TRIO: variants seen among roughly 807,000 people sequenced by gnomAD.
TRIO encodes triple functional domain protein.
Under a neutral mutation model 351.9 loss-of-function variants are expected in TRIO, and 58 were observed. The observed-to-expected ratio is 0.16, with a 90% confidence interval of 0.13 to 0.21. TRIO has a LOEUF of 0.21. Among genes scored for constraint, TRIO ranks in the 10% least tolerant of loss-of-function variants. The pLI, the probability that TRIO is intolerant of heterozygous loss-of-function variation, is 1.00. For synonymous variants in TRIO, 1,758 were observed against 1,595.7 expected, an observed-to-expected ratio of 1.10 and a Z score of -2.42; for missense variants, 3,201 against 4,027.8, an observed-to-expected ratio of 0.79 and a Z score of 5.56.
chr5:14,294,341 C>T (rs1477543421), intron 6 of TRIO, among the ~76,000 whole-genome samples: 1 of 152,090 alleles, frequency 6.6e-6, no homozygotes, highest in Non-Finnish European at 1.5e-5. Context: ...TAATAAATGC[C>T]ATCAAAGTTT....
intron 31 of TRIO, among the ~76,000 whole-genome samples, chr5:14,405,457 A>G (rs1748622468): frequency 6.6e-6 from 1 of 152,186 alleles, no homozygotes; most frequent in Non-Finnish European, 1.5e-5. Flanking sequence ...GGATTTGTTC[A>G]GTTTCCTGCT....
At chr5:14,318,688 G>A (rs1279389255) in intron 9 of TRIO, among the ~76,000 whole-genome samples, 2 of 152,160 alleles carry the variant, frequency 1.3e-5, no homozygotes, top group African/African-American at 4.8e-5. Context: ...TGGTGAAGAG[G>A]GATTGAGAGG....
At chr5:14,315,251 CTTTT>C (rs761690853) in intron 8 of TRIO, among the ~76,000 whole-genome samples, 1 of 137,584 alleles carries the variant, frequency 7.3e-6, no homozygotes. Flanking sequence ...ACTTGCTCCT[CTTTT>C]TTTTTTTTTT....
chr5:14,445,439 T>A (rs1038610550), intron 34 of TRIO, among the ~76,000 whole-genome samples: 18 of 152,202 alleles, frequency 1.2e-4, no homozygotes, highest in Admixed American at 1.1e-3. Flanking sequence ...ACTAATCACG[T>A]TGGACACATC....
intron 8 of TRIO, among the ~76,000 whole-genome samples, chr5:14,307,862 T>C (rs73059515): frequency 7.8e-4 from 119 of 152,356 alleles, no homozygotes; most frequent in African/African-American, 2.8e-3. Flanking sequence ...GAATGAGCTG[T>C]ATTTCCTTTC....
intron 1 of TRIO, among the ~76,000 whole-genome samples, chr5:14,259,417 T>C (rs920423692): frequency 2.6e-5 from 4 of 152,264 alleles, no homozygotes; most frequent in Non-Finnish European, 5.9e-5. Flanking sequence ...ATTTCTCTTT[T>C]CTCTTTGTTT....
At chr5:14,428,990 T>C (rs1750874078) in intron 34 of TRIO, among the ~76,000 whole-genome samples, 1 of 152,234 alleles carries the variant, frequency 6.6e-6, no homozygotes, top group South Asian at 2.1e-4. Context: ...TGACATTTCC[T>C]AGACATCAGA....
At chr5:14,408,821 G>T (rs1748937904) in intron 33 of TRIO, among the ~76,000 whole-genome samples, 1 of 151,728 alleles carries the variant, frequency 6.6e-6, no homozygotes, top group South Asian at 2.1e-4. Flanking sequence ...AACTCCTAGG[G>T]GTCTGCTCTG....
chr5:14,492,852 A>G lies in TRIO; in HGVS notation c.7880+38A>G. ...CAGTAACGGCGTCCTGGCAGGCAGC[A>G]GAGGGAGGGGGCACAGCACCCGTGA... On this transcript the variant is annotated intron_variant, in intron 49 of 56. Coordinates refer to ENST00000344204, the MANE Select transcript of TRIO (RefSeq NM_007118.4). The G allele has an allele frequency of 3.1e-6, 5 of 1,604,336 alleles. No homozygotes were observed. The South Asian group carries it at 5.5e-5, about 18-fold the overall frequency.
intron 22 of TRIO, 47 bp from the exon 23 acceptor site, chr5:14,387,685 C>T (rs756937584): frequency 6.2e-7 from 1 of 1,609,876 alleles, no homozygotes; most frequent in African/African-American, 1.3e-5. Flanking sequence ...CTAACGCCCT[C>T]TCTGCTGATT....
chr5:14,312,866 T>C (rs1739049822), intron 8 of TRIO, among the ~76,000 whole-genome samples: 1 of 152,236 alleles, frequency 6.6e-6, no homozygotes, highest in Non-Finnish European at 1.5e-5. Flanking sequence ...ATTATCTCTA[T>C]ACAACAGAAC....
chr5:14,304,712 A>G (rs532511526), intron 8 of TRIO, 120 bp downstream of exon 8: 1 of 1,176,836 alleles, frequency 8.5e-7, no homozygotes, highest in Admixed American at 2.4e-5. Flanking sequence ...TTCGAGTTAG[A>G]CTGCAGTTTA....
At chr5:14,289,201 A>G (rs1736701574) in intron 4 of TRIO, among the ~76,000 whole-genome samples, 1 of 152,148 alleles carries the variant, frequency 6.6e-6, no homozygotes, top group Admixed American at 6.5e-5. Context: ...CCTGGCCAAC[A>G]TGGTGAAACT....
intron 33 of TRIO, among the ~76,000 whole-genome samples, chr5:14,407,054 C>T (rs1420031715): frequency 6.6e-6 from 1 of 152,130 alleles, no homozygotes; most frequent in African/African-American, 2.4e-5. Context: ...AGATGGACAG[C>T]ACCCTTCCAG....
intron 1 of TRIO, among the ~76,000 whole-genome samples, chr5:14,262,843 A>G (rs181219125): frequency 6.6e-6 from 1 of 152,170 alleles, no homozygotes; most frequent in East Asian, 1.9e-4. Context: ...TTGGATGTTC[A>G]GGGGGGCATG....
chr5:14,386,379 C>T (rs1388422920), intron 21 of TRIO, among the ~76,000 whole-genome samples: 1 of 152,096 alleles, frequency 6.6e-6, no homozygotes, highest in Non-Finnish European at 1.5e-5. Context: ...TCTGGAGGAT[C>T]TTGACAGCTG....
intron 37 of TRIO, among the ~76,000 whole-genome samples, chr5:14,469,941 G>C (rs1754561545): frequency 6.6e-6 from 1 of 152,132 alleles, no homozygotes; most frequent in Non-Finnish European, 1.5e-5. Flanking sequence ...AATCTAACAG[G>C]CTTCAGCTGT....
At chr5:14,203,894 C>G (rs1347906440) in intron 1 of TRIO, among the ~76,000 whole-genome samples, 9 of 152,148 alleles carry the variant, frequency 5.9e-5, no homozygotes. Context: ...GAAAGTGAGC[C>G]CTTGTTAATT....
At chr5:14,187,029 TAA>T (rs745657343) in intron 1 of TRIO, among the ~76,000 whole-genome samples, 2 of 152,182 alleles carry the variant, frequency 1.3e-5, no homozygotes, top group Admixed American at 6.5e-5. Flanking sequence ...GAGGGCTTGG[TAA>T]TACCAAGATA....
Sources: gnomAD v4.1 joint callset for allele counts (sites outside exome capture counted in the v4.1 genomes callset) on GRCh38, gnomAD v4.1.1 for gene constraint, MANE v1.5 for transcripts, NCBI Gene and HGNC (gene_info 2026-07-23, HGNC 2026-07-21) for gene names.